Variants in RRP7A observed in about 807,000 individuals in gnomAD.
The protein encoded by RRP7A is ribosomal RNA-processing protein 7 homolog A.
Under a neutral mutation model 38.4 loss-of-function variants are expected in RRP7A, and 27 were observed. The ratio of observed to expected loss-of-function variants is 0.70; its 90% CI spans 0.52 to 0.97. RRP7A has a LOEUF of 0.97. Ranked by LOEUF, RRP7A falls within the 50% of genes least tolerant of loss-of-function variation. RRP7A has a pLI of 0.00. For missense variants in RRP7A, 327 were observed against 375.4 expected (o/e 0.87, Z 1.07); for synonymous variants, 124 against 150.3 (o/e 0.83, Z 1.28).
At position 42,514,736 on chromosome 22, in the gene RRP7A, G is replaced by A; in HGVS notation, c.504C>T (p.Ala168=). The change falls in exon 5 of 7, where the codon GCC becomes GCT. Residue 168 remains alanine, a synonymous_variant. Coordinates refer to ENST00000323013, the MANE Select transcript of RRP7A (RefSeq NM_015703.5). The part of the protein sequence containing the change: ...DYADSVPDPE[A]LRVEVDTFME... ...TGAACGTGTCCACTTCCACCCTCAG[G>A]GCCTCAGGGTCGGGCACAGAGTCTG... 2 of 1,612,210 alleles carry A rather than the reference G, an allele frequency of 1.2e-6. No individual in the cohort carries two copies. Among genetic ancestry groups the A allele is most frequent in the Admixed American group, 3.3e-5 (2 of 59,906 alleles).
At chr22:42,515,575 G>C (rs1045912222) in intron 3 of RRP7A, among the ~76,000 whole-genome samples, 4 of 152,192 alleles carry the variant, frequency 2.6e-5, no homozygotes, top group African/African-American at 7.2e-5. Context: ...CTGGGCCAGG[G>C]CAGGTTTTTG....
At position 42,516,079 on chromosome 22, in the gene RRP7A, C is replaced by A; in HGVS notation, c.274G>T (p.Glu92Ter). ...GGGCTCTCAGCCAGGTCCGGCTTCT[C>A]CTGCAACTCTACAGACTGGACGAGG... ...CGLVQSVELQ[E>*]KPDLAESPKE... The change falls in exon 3 of 7, where the codon GAG becomes TAG. Residue 92 changes from glutamate to a stop codon, truncating the protein, a stop_gained. Transcript: ENST00000323013. LOFTEE classifies it high-confidence loss of function. The A allele has an allele frequency of 6.2e-7, 1 of 1,613,686 alleles. No homozygotes were observed. The highest frequency in any genetic ancestry group is 8.5e-7 in the Non-Finnish European group (1 of 1,179,794).
rs535287610 is a variant in RRP7A at position 42,514,617 on chromosome 22, G to T, written c.558+65C>A. On this transcript the variant is annotated intron_variant, in intron 5 of 6. Transcript: ENST00000323013. ...GACAGGCCACCACTGCCCTCCCTCT[G>T]GGGCGCCACCTTCCCACAGCCACAC... is the stretch of plus-strand genomic sequence containing the variant. The T allele has an allele frequency of 9.7e-5, 135 of 1,386,572 alleles. 1 individual carries two copies. The highest frequency in any genetic ancestry group is 7.9e-4 in the South Asian group (66 of 83,646). The allele number at this position is 1,386,572 out of a possible 1,614,324, so 85.9% of individuals were successfully genotyped here.
In RRP7A at chr22:42,510,858, C is replaced by T; in HGVS notation, c.*2052G>A. 9.4e-7 allele frequency: 1 copy of T among 1,067,654 alleles called. No homozygotes were observed. Among genetic ancestry groups the T allele is most frequent in the Non-Finnish European group, 1.2e-6 (1 of 843,490 alleles). 66.1% of individuals were successfully genotyped at this position (1,067,654 alleles called of 1,614,324 possible). On this transcript the variant is annotated 3_prime_UTR_variant, in exon 7 of 7. Transcript: ENST00000323013. ...CCAACAAGTGACCACCAGGATCTATCAGGCCTCATGCTCCAGTGATCAGTC... is the reference window on the plus strand; with the variant it reads ...CCAACAAGTGACCACCAGGATCTATTAGGCCTCATGCTCCAGTGATCAGTC...
chr22:42,518,638 C>T (rs1157385548), intron 1 of RRP7A: 6 of 470,632 alleles, frequency 1.3e-5, no homozygotes, highest in Admixed American at 1.2e-4. Context: ...AACCTCGCTT[C>T]CTCAGGAGAG....
In RRP7A at chr22:42,512,529, T is replaced by C. The variant is rs1932500050; in HGVS notation, c.*381A>G. ...ACCTAGCCTTTCCCTGCTGCCCAAC[T>C]GGATGGAAAATAAAAGGTTCTTGTA... On this transcript the variant is annotated 3_prime_UTR_variant, in exon 7 of 7. Transcript: ENST00000323013. 1 of 542,172 alleles carries C rather than the reference T, an allele frequency of 1.8e-6. No individual in the cohort carries two copies. Among genetic ancestry groups the C allele is most frequent in the Non-Finnish European group, 3.3e-6 (1 of 302,194 alleles). The allele number at this position is 542,172 out of a possible 1,614,324, so 33.6% of individuals were successfully genotyped here.
At chr22:42,513,016 G>A (rs774532354) in intron 6 of RRP7A, 21 bp from the exon 7 acceptor site, 32 of 1,603,318 alleles carry the variant, frequency 2.0e-5, no homozygotes, top group African/African-American at 6.7e-5. Flanking sequence ...GAGGAGGCGC[G>A]GGGCAGGGTC....
rs1920941392 is a variant in RRP7A at position 42,519,444 on chromosome 22, G to A, written c.73+270C>T. Among the ~76,000 whole-genome samples, 5 of 152,210 alleles carry A rather than the reference G, an allele frequency of 3.3e-5. No homozygotes were observed. The South Asian group carries it at 1.0e-3, about 31-fold the overall frequency. On this transcript the variant is annotated intron_variant, in intron 1 of 6. Transcript: ENST00000323013. ...AGCGGGTGTGGACGGAAATGGGTTT[G>A]TCCTGGGTGAGAGTGTGGACAGAGG...
At chr22:42,515,463 C>G (rs557070968) in intron 3 of RRP7A, among the ~76,000 whole-genome samples, 195 bp from the exon 4 acceptor site, 8 of 152,352 alleles carry the variant, frequency 5.3e-5, no homozygotes, top group East Asian at 1.9e-4. Context: ...CCTGCTTCTG[C>G]GGGAAGTGAC....
At chr22:42,514,464 G>A (rs1439773759) in intron 5 of RRP7A, among the ~76,000 whole-genome samples, 160 bp from the exon 6 acceptor site, 6 of 152,250 alleles carry the variant, frequency 3.9e-5, no homozygotes, top group Middle Eastern at 3.4e-3. Flanking sequence ...ATGGCGGGGA[G>A]GGCACGGACC....
intron 6 of RRP7A, 45 bp from the exon 7 acceptor site, chr22:42,513,040 C>T (rs762565404): frequency 1.8e-5 from 28 of 1,547,846 alleles, no homozygotes; most frequent in Admixed American, 1.0e-4. Flanking sequence ...CAGCGCGCCC[C>T]GGGGAAGCTG....
chr22:42,510,749 T>C lies in RRP7A; in HGVS notation c.*2161A>G. ...GGTAAGGCGGGGCTCAGGCAGCTGG[T>C]GTCCAGCCACTGTCGCCCACTCTGG... is the stretch of plus-strand genomic sequence containing the variant. On this transcript the variant is annotated 3_prime_UTR_variant, in exon 7 of 7. Coordinates refer to ENST00000323013, the MANE Select transcript of RRP7A (RefSeq NM_015703.5). 11 of 1,490,638 alleles carry C rather than the reference T, an allele frequency of 7.4e-6. No homozygotes were observed. The highest frequency in any genetic ancestry group is 9.0e-6 in the Non-Finnish European group (10 of 1,111,338). 92.3% of individuals were successfully genotyped at this position (1,490,638 alleles called of 1,614,324 possible). A position where few individuals can be genotyped will look rare whatever the true frequency, so the allele number is the denominator to read the frequency against.
intron 1 of RRP7A, 61 bp downstream of exon 1, chr22:42,519,652 AC>A: frequency 1.5e-6 from 2 of 1,328,822 alleles, no homozygotes; most frequent in East Asian, 3.1e-5. Context: ...GCCGTCGCCA[AC>A]CCCCAAACAC....
At chr22:42,513,268 C>T (rs538612754) in intron 6 of RRP7A, among the ~76,000 whole-genome samples, 4,155 of 136,280 alleles carry the variant, frequency 0.03, 137 homozygotes, top group Middle Eastern at 0.047. Flanking sequence ...CAAAGGTACC[C>T]GCCCCCACCC....
At chr22:42,515,985 G>A (rs1236009640) in intron 3 of RRP7A, 26 bp downstream of exon 3, 21 of 1,570,478 alleles carry the variant, frequency 1.3e-5, no homozygotes, top group Non-Finnish European at 1.7e-5. Flanking sequence ...CCTCACTCTA[G>A]TGGAACCCCG....
In RRP7A at chr22:42,509,816, C is replaced by T. The variant is rs534500139; in HGVS notation, c.*3094G>A. Among the ~76,000 whole-genome samples, 3 of 42,286 alleles carry T rather than the reference C, an allele frequency of 7.1e-5. No homozygotes were observed. Among genetic ancestry groups the T allele is most frequent in the Admixed American group, 8.0e-4 (2 of 2,490 alleles). The allele number at this position is 42,286 out of a possible 152,430, so 27.7% of individuals were successfully genotyped here. A position where few individuals can be genotyped will look rare whatever the true frequency, so the allele number is the denominator to read the frequency against. ...GAGACAAAGCCAGGTCATGGTTGCT[C>T]AGGACCGGAAGCCTGTTGGGGGTGG... On this transcript the variant is annotated 3_prime_UTR_variant, in exon 7 of 7. Transcript: ENST00000323013.
At chr22:42,513,696 GACAC>G (rs68114688) in intron 6 of RRP7A, among the ~76,000 whole-genome samples, 22 of 140,454 alleles carry the variant, frequency 1.6e-4, no homozygotes, top group East Asian at 8.7e-4. Flanking sequence ...CCACCTGACA[GACAC>G]ACACACACAC....
rs1313706401 is a variant in RRP7A at position 42,519,575 on chromosome 22, G to A, written c.73+139C>T. On this transcript the variant is annotated intron_variant, in intron 1 of 6. Transcript: ENST00000323013. ...TCGGGACCCCGGAGCCTCAAGACCT[G>A]CGGAGCCTGGGGCCACGGGCCACCG... The A allele has an allele frequency of 1.4e-5, 10 of 694,538 alleles. No homozygotes were observed. The Admixed American group carries it at 2.2e-4, about 15-fold the overall frequency. The allele number at this position is 694,538 out of a possible 1,614,324, so 43.0% of individuals were successfully genotyped here.
chr22:42,517,940 G>A, intron 2 of RRP7A, 65 bp downstream of exon 2: 2 of 1,565,366 alleles, frequency 1.3e-6, no homozygotes, highest in South Asian at 1.2e-5. Flanking sequence ...CCAAGGACTT[G>A]GTGGAGGCCA....
Sources: gnomAD v4.1 joint callset for allele counts (sites outside exome capture counted in the v4.1 genomes callset) on GRCh38, gnomAD v4.1.1 for gene constraint, MANE v1.5 for transcripts, NCBI Gene and HGNC (gene_info 2026-07-23, HGNC 2026-07-21) for gene names.